The following DNAH10 variants were observed in gnomAD, a reference collection of about 807,000 sequenced individuals.
DNAH10 encodes the protein axonemal beta dynein heavy chain 10.
Under a neutral mutation model 506.6 loss-of-function variants are expected in DNAH10, and 348 were observed. The observed-to-expected ratio is 0.69, with a 90% confidence interval of 0.63 to 0.75. DNAH10 has a LOEUF of 0.75. Ranked by LOEUF, DNAH10 falls within the 30% of genes least tolerant of loss-of-function variation. The pLI is 0.00. For missense variants in DNAH10, 5,179 were observed against 5,787.1 expected (o/e 0.89, Z 3.41); for synonymous variants, 2,059 against 2,198.6 (o/e 0.94, Z 1.78).
rs1020485426 is a variant in DNAH10, at chr12:123,903,594, A to AT, written c.9815+482dup. Among the ~76,000 whole-genome samples, 3 of 152,318 alleles carry AT rather than the reference A, an allele frequency of 2.0e-5. No individual in the cohort carries two copies. Among genetic ancestry groups the AT allele is most frequent in the African/African-American group, 7.2e-5 (3 of 41,574 alleles). ...AGAGTAGGTCACTATTGAGGCCCCC[A>AT]TACATCTTGCAAATCAATCTGTAAG... On this transcript the variant is annotated intron_variant, in intron 57 of 78. Transcript: ENST00000673944. This position sits in a 1 kb window ranked among gnomAD's most constrained non-coding sequence, Gnocchi z 4.6.
Position 123,929,766 on chromosome 12 carries a change from G to A in DNAH10, c.12612+7G>A, listed in dbSNP as rs369722515. ...CAAGTACCTAATTGGAGAGGTAGGG[G>A]TGACCGGGGATCCTTCCGCAGGTGC... On this transcript the variant is annotated splice_region_variant and intron_variant, in intron 72 of 78. Transcript: ENST00000673944. The A allele has an allele frequency of 3.0e-5, 49 of 1,608,490 alleles. No homozygotes were observed. The highest frequency in any genetic ancestry group is 4.0e-5 in the Non-Finnish European group (47 of 1,177,650).
chr12:123,789,376 T>TTGTGTGTG (rs368474130), intron 10 of DNAH10, among the ~76,000 whole-genome samples: 3 of 149,510 alleles, frequency 2.0e-5, no homozygotes, highest in African/African-American at 4.9e-5. Context: ...TCTCACCTCT[T>TTGTGTGTG]TGTGTGTGTG....
At chr12:123,859,401 G>A (rs946055369) in intron 38 of DNAH10, 133 bp downstream of exon 38, 4 of 663,952 alleles carry the variant, frequency 6.0e-6, no homozygotes, top group South Asian at 5.3e-5. Context: ...CACCCCTTTC[G>A]ACTCAGCGTG....
chr12:123,864,448 C>T (rs1395724386), intron 39 of DNAH10, 147 bp from the exon 40 acceptor site: 9 of 1,108,494 alleles, frequency 8.1e-6, no homozygotes, highest in Non-Finnish European at 1.1e-5. Flanking sequence ...TTCAGTCAAA[C>T]CTCTGGGCCA....
Position 123,926,415 on chromosome 12 carries a change from T to A in DNAH10, c.11922-222T>A. 1.1e-5 allele frequency: 6 copies of A among 521,890 alleles called. No homozygotes were observed. In the South Asian group the frequency reaches 2.0e-4, roughly 17 times the overall value. The allele number at this position is 521,890 out of a possible 1,614,324, so 32.3% of individuals were successfully genotyped here. The stretch of plus-strand genomic sequence containing the variant: ...CAGCACAAACCAACTGAATCGAGTG[T>A]GAGGGGGTACAGAGAAGTCCCTGCC... On this transcript the variant is annotated intron_variant, in intron 68 of 78. Coordinates refer to ENST00000673944, the MANE Select transcript of DNAH10 (RefSeq NM_001372106.1). The surrounding 1 kb of genome is among the most constrained non-coding windows in gnomAD (Gnocchi z 4.1).
Position 123,789,913 on chromosome 12 carries a change from G to A in DNAH10, c.1621-14G>A, listed in dbSNP as rs372063977. ...CCAAATGTAATCTCCTCATTGTTCC[G>A]TTTGATTGGACAGATTTTGGAGGAA... On this transcript the variant is annotated splice_polypyrimidine_tract_variant and intron_variant, in intron 10 of 78. Transcript: ENST00000673944. 1.6e-4 allele frequency: 262 copies of A among 1,606,216 alleles called. 1 individual carries two copies. In the Middle Eastern group the frequency reaches 3.2e-3, roughly 19 times the overall value.
chr12:123,866,089 A>G lies in DNAH10; in HGVS notation c.7167+16A>G. 6.3e-7 allele frequency: 1 copy of G among 1,582,680 alleles called. No homozygotes were observed. Among genetic ancestry groups the G allele is most frequent in the Non-Finnish European group, 8.6e-7 (1 of 1,164,350 alleles). On this transcript the variant is annotated intron_variant, in intron 41 of 78. Transcript: ENST00000673944. Reference sequence around the variant, plus strand: ...ACCAAACAAGGTGAAATTTTTTTCTAAAATGAACTTAAATTTATTAGTATT... The same window carrying G: ...ACCAAACAAGGTGAAATTTTTTTCTGAAATGAACTTAAATTTATTAGTATT...
chr12:123,781,230 C>A lies in DNAH10; in HGVS notation c.772C>A (p.Arg258=). 6.2e-7 allele frequency: 1 copy of A among 1,613,862 alleles called. No individual in the cohort carries two copies. Among genetic ancestry groups the A allele is most frequent in the Non-Finnish European group, 8.5e-7 (1 of 1,179,960 alleles). ...AVEYHSIQLI[R]DEFLMNVQKF... Reference sequence around the variant, plus strand: ...AGAATATCACAGTATTCAATTAATACGGGATGAATTTTTAATGAACGTGCA... The same window carrying A: ...AGAATATCACAGTATTCAATTAATAAGGGATGAATTTTTAATGAACGTGCA... Residue 258 remains arginine, a synonymous_variant, in exon 6 of 79, where the codon CGG becomes AGG. Transcript: ENST00000673944.
At chr12:123,895,662 G>A (rs1368034668) in intron 54 of DNAH10, among the ~76,000 whole-genome samples, 5 of 152,184 alleles carry the variant, frequency 3.3e-5, no homozygotes, top group South Asian at 4.1e-4. Context: ...CCTTTGGCCC[G>A]TAGTTGGCCA....
At position 123,848,060 on chromosome 12, in the gene DNAH10, G is replaced by T. The variant is rs750110655; in HGVS notation, c.5914G>T (p.Val1972Phe). The change falls in exon 33 of 79, where the codon GTT becomes TTT. Residue 1972 changes from valine (V) to phenylalanine (F), a missense_variant. By Grantham distance (50) the Val-to-Phe change is conservative (BLOSUM62 -1). Around this residue, in one of 3 missense-constraint regions of DNAH10, gnomAD observed 4,844 missense variants for 5,430.5 expected, o/e 0.89. Coordinates refer to ENST00000673944, the MANE Select transcript of DNAH10 (RefSeq NM_001372106.1). Reference sequence around the variant, plus strand: ...GGCGAAAGCCTTGGGCTTGCTCTGTGTTGTCACCAACTGTGGCGAAGGCAT... The same window carrying T: ...GGCGAAAGCCTTGGGCTTGCTCTGTTTTGTCACCAACTGTGGCGAAGGCAT... ...DLAKALGLLC[V>F]VTNCGEGMDY... 4 of 1,613,980 alleles carry T rather than the reference G, an allele frequency of 2.5e-6. No individual in the cohort carries two copies. Among genetic ancestry groups the T allele is most frequent in the Non-Finnish European group, 3.4e-6 (4 of 1,179,856 alleles).
intron 56 of DNAH10, among the ~76,000 whole-genome samples, chr12:123,901,702 CT>C (rs1188105323): frequency 5.9e-5 from 9 of 152,154 alleles, no homozygotes; most frequent in African/African-American, 2.2e-4. Context: ...GCTCTGTCAC[CT>C]AGGCTGGAGT....
At position 123,845,814 on chromosome 12, in the gene DNAH10, G is replaced by C. The variant is rs1268836836; in HGVS notation, c.5575G>C (p.Val1859Leu). 1 of 1,614,030 alleles carries C rather than the reference G, an allele frequency of 6.2e-7. No individual in the cohort carries two copies. Among genetic ancestry groups the C allele is most frequent in the Non-Finnish European group, 8.5e-7 (1 of 1,179,900 alleles). Residue 1859 changes from valine to leucine, a missense_variant, in exon 31 of 79, where the codon GTT becomes CTT. Val to Leu is a conservative substitution (Grantham distance 32). This residue lies in a region of DNAH10 where 4,844 missense variants were observed against 5,430.5 expected (regional missense o/e 0.89). Coordinates refer to ENST00000673944, the MANE Select transcript of DNAH10 (RefSeq NM_001372106.1). ...SKNDRKKYNT[V>L]LIIDVHARDI... Reference sequence around the variant, plus strand: ...AAACGACAGGAAAAAATACAACACTGTTCTCATCATTGATGTGCATGCCAG... The same window carrying C: ...AAACGACAGGAAAAAATACAACACTCTTCTCATCATTGATGTGCATGCCAG...
chr12:123,803,978 C>A (rs940842462), intron 17 of DNAH10, among the ~76,000 whole-genome samples, 153 bp downstream of exon 17: 1 of 152,192 alleles, frequency 6.6e-6, no homozygotes, highest in African/African-American at 2.4e-5. Context: ...CAGTCATTTA[C>A]TTGAAAGAAT....
intron 48 of DNAH10, among the ~76,000 whole-genome samples, chr12:123,878,492 C>T (rs1015188821): frequency 2.0e-5 from 3 of 152,306 alleles, no homozygotes; most frequent in Non-Finnish European, 4.4e-5. Flanking sequence ...TACAGACTGT[C>T]AGGGGCGGTC....
At position 123,835,274 on chromosome 12, in the gene DNAH10, C is replaced by T. The variant is rs1405970719; in HGVS notation, c.4780-132C>T. ...GGAGCTGGCCATGCAGATGCTCACT[C>T]TGTCACCTTGCCTGGAAGGTCCTCC... On this transcript the variant is annotated intron_variant, in intron 27 of 78. Transcript: ENST00000673944. The T allele has an allele frequency of 3.0e-6, 3 of 993,746 alleles. No homozygotes were observed. In the African/African-American group the frequency reaches 4.9e-5, roughly 16 times the overall value. 61.6% of individuals were successfully genotyped at this position (993,746 alleles called of 1,614,324 possible).
At chr12:123,924,090 A>G (rs1954838737) in intron 66 of DNAH10, 188 bp from the exon 67 acceptor site, 2 of 813,530 alleles carry the variant, frequency 2.5e-6, no homozygotes, top group South Asian at 3.8e-5. Flanking sequence ...TGAGGCTGGA[A>G]GCTGGATGCT....
Position 123,804,963 on chromosome 12 carries a change from C to G in DNAH10, c.2910C>G (p.Gly970=), listed in dbSNP as rs1370300418. The part of the protein sequence containing the change: ...VEGLVVHTNT[G]KAPKLASYYK... ...GCCTGGTCGTCCACACCAACACAGG[C>G]AAGGCCCCCAAGCTGGCCTCCTACT... The change falls in exon 18 of 79, where the codon GGC becomes GGG. Residue 970 remains glycine, a synonymous_variant. Coordinates refer to ENST00000673944, the MANE Select transcript of DNAH10 (RefSeq NM_001372106.1). 2.5e-6 allele frequency: 4 copies of G among 1,614,238 alleles called. No homozygotes were observed. In the South Asian group the frequency reaches 3.3e-5, roughly 13 times the overall value.
intron 27 of DNAH10, 139 bp downstream of exon 27, chr12:123,833,486 G>A: frequency 1.1e-5 from 8 of 696,782 alleles, no homozygotes; most frequent in Non-Finnish European, 1.9e-5. Flanking sequence ...ATACTTTTTT[G>A]TCTTGATTTA....
intron 21 of DNAH10, among the ~76,000 whole-genome samples, chr12:123,817,694 T>C (rs1959171317): frequency 6.6e-6 from 1 of 152,204 alleles, no homozygotes; most frequent in Non-Finnish European, 1.5e-5. Flanking sequence ...TTAAGTTCTT[T>C]CGTGTCTTTA....
Sources: allele counts gnomAD v4.1 joint callset (sites outside exome capture counted in the v4.1 genomes callset), GRCh38; gene constraint gnomAD v4.1.1; regional missense constraint gnomAD v4.1.1; non-coding constraint Gnocchi (gnomAD v3.1); transcripts MANE v1.5; gene names NCBI Gene and HGNC (gene_info 2026-07-23, HGNC 2026-07-21).